Variants in TTC39C observed in about 807,000 individuals in gnomAD.
TTC39C encodes the protein tetratricopeptide repeat domain 39C.
TTC39C carries 33 observed loss-of-function variants against 76.3 expected under a neutral mutation model. The observed-to-expected ratio is 0.43, with a 90% CI of 0.33 to 0.58. TTC39C has a LOEUF of 0.58. TTC39C is among the 20% of genes least tolerant of loss of function. The pLI is 0.04. For synonymous variants in TTC39C, 254 were observed against 260.6 expected (o/e 0.97, Z 0.24); for missense variants, 595 against 701.4 (o/e 0.85, Z 1.71).
At chr18:24,057,371 A>C (rs1309857769) in intron 1 of TTC39C, among the ~76,000 whole-genome samples, 4 of 152,220 alleles carry the variant, frequency 2.6e-5, no homozygotes, top group Admixed American at 1.3e-4. Context: ...ACTTACATAC[A>C]GTAAAGAACT....
chr18:24,045,701 T>G (rs6508131), intron 1 of TTC39C, among the ~76,000 whole-genome samples: 67,236 of 151,030 alleles, frequency 0.45, 15,017 homozygotes, highest in Middle Eastern at 0.49. Flanking sequence ...TATATATTGG[T>G]GTTTTAAATT....
At chr18:24,003,990 T>A (rs1418713305) in intron 1 of TTC39C, among the ~76,000 whole-genome samples, 1 of 152,094 alleles carries the variant, frequency 6.6e-6, no homozygotes, top group Non-Finnish European at 1.5e-5. Flanking sequence ...CCTCAAGCAA[T>A]CCTCCCTGCC....
chr18:24,104,954 C>T (rs945054780), intron 6 of TTC39C, among the ~76,000 whole-genome samples: 1 of 150,488 alleles, frequency 6.6e-6, no homozygotes, highest in East Asian at 2.0e-4. Flanking sequence ...ACTCTAAAAC[C>T]AAAACATATT....
At chr18:24,086,238 G>A (rs1226253231) in intron 6 of TTC39C, among the ~76,000 whole-genome samples, 1 of 152,140 alleles carries the variant, frequency 6.6e-6, no homozygotes, top group Non-Finnish European at 1.5e-5. Context: ...TGCATTATAT[G>A]ACACCATCTT....
At chr18:24,044,157 A>G (rs2083833966) in intron 1 of TTC39C, among the ~76,000 whole-genome samples, 2 of 152,056 alleles carry the variant, frequency 1.3e-5, no homozygotes, top group Admixed American at 1.3e-4. Context: ...CTCTGTACAC[A>G]GCACGGGGGC....
rs767706688 is a variant in TTC39C at position 24,066,018 on chromosome 18, A to G, written c.223A>G (p.Met75Val). 1 of 1,585,136 alleles carries G rather than the reference A, an allele frequency of 6.3e-7. No homozygotes were observed. The highest frequency in any genetic ancestry group is 8.6e-7 in the Non-Finnish European group (1 of 1,169,242). The part of the protein sequence containing the change: ...GASFVSFLNA[M>V]MTFEEEKMQL... ...ATTCTTTCTTTCTTGGAAGAATGCC[A>G]TGATGACATTTGAGGAAGAAAAAAT... Residue 75 changes from methionine to valine, a missense_variant, in exon 3 of 14, where the codon ATG becomes GTG. Met to Val is a conservative substitution (Grantham distance 21, BLOSUM62 1). Transcript: ENST00000317571.
rs2084139047 is a variant in TTC39C at position 24,064,293 on chromosome 18, T to C, written c.216+105T>C. 2.2e-6 allele frequency: 3 copies of C among 1,337,142 alleles called. No homozygotes were observed. The East Asian group carries it at 7.3e-5, about 33-fold the overall frequency. 82.8% of individuals were successfully genotyped at this position (1,337,142 alleles called of 1,614,324 possible). ...TAGATACACTATTGTAGAAAGTCTT[T>C]TAGAGTTTAAAACTGAAATAAAGTT... On this transcript the variant is annotated intron_variant, in intron 2 of 13. Transcript: ENST00000317571.
chr18:24,102,847 C>T (rs1228515701), intron 6 of TTC39C, among the ~76,000 whole-genome samples: 3 of 152,216 alleles, frequency 2.0e-5, no homozygotes, highest in African/African-American at 7.2e-5. Context: ...CTGGCTCACG[C>T]CTGTACACTC....
intron 6 of TTC39C, among the ~76,000 whole-genome samples, chr18:24,095,148 C>T (rs1053853844): frequency 1.3e-5 from 2 of 152,196 alleles, no homozygotes; most frequent in South Asian, 2.1e-4. Flanking sequence ...GTTATGGAGA[C>T]GGCTTCTTTC....
chr18:24,003,078 T>C (rs1222451827), intron 1 of TTC39C, among the ~76,000 whole-genome samples: 1 of 152,214 alleles, frequency 6.6e-6, no homozygotes, highest in Admixed American at 6.5e-5. Flanking sequence ...AGAGAGCCCT[T>C]GTGCCTGAGG....
At chr18:24,078,696 A>G (rs2084338161) in intron 4 of TTC39C, among the ~76,000 whole-genome samples, 1 of 152,162 alleles carries the variant, frequency 6.6e-6, no homozygotes, top group South Asian at 2.1e-4. Flanking sequence ...AAATCTCATT[A>G]GAGACTTAAT....
At chr18:24,029,547 G>A (rs959027192) in intron 1 of TTC39C, among the ~76,000 whole-genome samples, 2 of 152,186 alleles carry the variant, frequency 1.3e-5, no homozygotes, top group African/African-American at 4.8e-5. Context: ...AACAGGTAGT[G>A]TTTGGTTACA....
chr18:24,110,753 A>G (rs138614982), intron 6 of TTC39C, among the ~76,000 whole-genome samples: 88 of 152,390 alleles, frequency 5.8e-4, no homozygotes, highest in African/African-American at 2.1e-3. Context: ...GAATTTGTCA[A>G]TAAACATGCC....
chr18:24,085,163 C>T (rs1159371446), intron 6 of TTC39C, among the ~76,000 whole-genome samples: 6 of 152,224 alleles, frequency 3.9e-5, no homozygotes, highest in Admixed American at 6.5e-5. Flanking sequence ...GGTGCATTGA[C>T]GAATAAAGTG....
intron 9 of TTC39C, among the ~76,000 whole-genome samples, chr18:24,125,171 C>T (rs1239198369): frequency 1.3e-5 from 2 of 152,176 alleles, no homozygotes; most frequent in Non-Finnish European, 2.9e-5. Flanking sequence ...GGATTACAGG[C>T]GTGAGCCACC....
At position 24,132,483 on chromosome 18, in the gene TTC39C, A is replaced by C; in HGVS notation, c.1663-2A>C. On this transcript the variant is annotated splice_acceptor_variant, in intron 13 of 13. Transcript: ENST00000317571. LOFTEE classifies it high-confidence loss of function. Reference sequence around the variant, plus strand: ...CATAAATATCTTTCTTTGATCTTACAGGAGGATTTCTCTGGCTACGACTTT... The same window carrying C: ...CATAAATATCTTTCTTTGATCTTACCGGAGGATTTCTCTGGCTACGACTTT... 1 of 1,613,840 alleles carries C rather than the reference A, an allele frequency of 6.2e-7. No individual in the cohort carries two copies. Among genetic ancestry groups the C allele is most frequent in the Non-Finnish European group, 8.5e-7 (1 of 1,179,838 alleles).
intron 1 of TTC39C, among the ~76,000 whole-genome samples, chr18:24,041,692 G>A (rs1355745081): frequency 6.6e-6 from 1 of 152,118 alleles, no homozygotes; most frequent in Non-Finnish European, 1.5e-5. Flanking sequence ...TTTAATAGGT[G>A]CATTATGTTA....
In TTC39C at chr18:24,133,663, A is replaced by G. The variant is rs1262985389; in HGVS notation, c.*1089A>G. The G allele has an allele frequency of 6.6e-6, 1 of 152,196 alleles. No homozygotes were observed. Among genetic ancestry groups the G allele is most frequent in the African/African-American group, 2.4e-5 (1 of 41,438 alleles). The allele number at this position is 152,196 out of a possible 1,614,324, so 9.4% of individuals were successfully genotyped here. On this transcript the variant is annotated 3_prime_UTR_variant, in exon 14 of 14. Transcript: ENST00000317571. ...GCTCAGGTTATTTAGATATTATACAAGGAATTCAAAGTTATTTTTTTATTC... is the reference window on the plus strand; with the variant it reads ...GCTCAGGTTATTTAGATATTATACAGGGAATTCAAAGTTATTTTTTTATTC...
intron 6 of TTC39C, among the ~76,000 whole-genome samples, chr18:24,107,816 G>A (rs1269461070): frequency 6.6e-6 from 1 of 151,958 alleles, no homozygotes; most frequent in East Asian, 1.9e-4. Flanking sequence ...GGAGTGCAGT[G>A]GTACAAAATC....
Sources: allele counts gnomAD v4.1 joint callset (sites outside exome capture counted in the v4.1 genomes callset), GRCh38; gene constraint gnomAD v4.1.1; transcripts MANE v1.5; gene names NCBI Gene and HGNC (gene_info 2026-07-23, HGNC 2026-07-21).